The following ALDH1L1 variants were observed in gnomAD, a reference collection of about 807,000 sequenced individuals.
ALDH1L1 encodes the protein cytosolic 10-formyltetrahydrofolate dehydrogenase.
A neutral mutation model predicts 101.1 loss-of-function variants in ALDH1L1; 68 were observed. The observed-to-expected ratio is 0.67, with a 90% confidence interval of 0.55 to 0.82. The LOEUF (loss-of-function observed/expected upper bound fraction) is 0.82. ALDH1L1 is among the 40% of genes least tolerant of loss of function. ALDH1L1 has a pLI of 0.00. For synonymous variants in ALDH1L1, 486 were observed against 470.8 expected, an observed-to-expected ratio of 1.03 and a Z score of -0.42; for missense variants, 1,087 against 1,172.7, an observed-to-expected ratio of 0.93 and a Z score of 1.07.
chr3:126,196,887 G>C (rs903001529), intron 1 of ALDH1L1, among the ~76,000 whole-genome samples: 3 of 152,164 alleles, frequency 2.0e-5, no homozygotes, highest in African/African-American at 7.2e-5. Context: ...CTACAATACT[G>C]GGCAGTCTCC....
intron 13 of ALDH1L1, among the ~76,000 whole-genome samples, chr3:126,130,601 C>T (rs2080281196): frequency 1.3e-5 from 2 of 152,232 alleles, no homozygotes; most frequent in Admixed American, 1.3e-4. Context: ...CAGCTCTAAG[C>T]AGTTGAGCAC....
intron 2 of ALDH1L1, among the ~76,000 whole-genome samples, chr3:126,159,216 A>G (rs2080986724): frequency 6.6e-6 from 1 of 151,424 alleles, no homozygotes; most frequent in Admixed American, 6.6e-5. Flanking sequence ...ATATGCACAC[A>G]TGCGTGCACA....
At chr3:126,181,941 A>G (rs970895669), upstream of ALDH1L1, among the ~76,000 whole-genome samples, 1 of 152,062 alleles carries the variant, frequency 6.6e-6, no homozygotes, top group Non-Finnish European at 1.5e-5. Context: ...GCTGTCCCTC[A>G]TATCTGTGGA....
chr3:126,140,139 T>G (rs7639951), intron 9 of ALDH1L1, among the ~76,000 whole-genome samples: 34,109 of 151,974 alleles, frequency 0.22, 4,679 homozygotes, highest in African/African-American at 0.39. Flanking sequence ...CAGAGACAAA[T>G]AAATAATTTG....
chr3:126,131,489 A>G lies in ALDH1L1; in HGVS notation c.1518T>C (p.Ile506=), dbSNP rs778519678. The change falls in exon 13 of 23, where the codon ATT becomes ATC. Residue 506 remains isoleucine, a synonymous_variant. Coordinates refer to ENST00000393434, the MANE Select transcript of ALDH1L1 (RefSeq NM_012190.4). ...MEQHQEELAT[I]EALDAGAVYT... The stretch of plus-strand genomic sequence containing the variant: ...AGACGGCACCCGCATCCAGGGCCTC[A>G]ATGGTGGCCAGCTCCTCCTGGTGCT... 6.2e-6 allele frequency: 10 copies of G among 1,612,998 alleles called. No homozygotes were observed. The highest frequency in any genetic ancestry group is 4.0e-5 in the African/African-American group (3 of 74,922).
chr3:126,120,335 A>G (rs1037571473), intron 16 of ALDH1L1, among the ~76,000 whole-genome samples: 5 of 143,840 alleles, frequency 3.5e-5, no homozygotes, highest in Admixed American at 6.9e-5. Context: ...GCCATGGAAG[A>G]ACCTCAAATA....
chr3:126,160,848 C>T lies in ALDH1L1; in HGVS notation c.127+5G>A. On this transcript the variant is annotated splice_donor_5th_base_variant and intron_variant, in intron 2 of 22. Transcript: ENST00000393434. ...TCAGCTTCCCTGCTCCATTGGCTCA[C>T]TCACCCAGGGGGTCGGCCTTTCCAT... The T allele has an allele frequency of 6.2e-7, 1 of 1,613,464 alleles. No individual in the cohort carries two copies. Among genetic ancestry groups the T allele is most frequent in the Non-Finnish European group, 8.5e-7 (1 of 1,179,566 alleles).
chr3:126,181,912 C>T (rs2081478283), upstream of ALDH1L1, among the ~76,000 whole-genome samples: 1 of 152,198 alleles, frequency 6.6e-6, no homozygotes, highest in South Asian at 2.1e-4. Context: ...TCTTTAGGCT[C>T]CAGCCTGCAG....
In ALDH1L1 at chr3:126,155,483, G is replaced by C; in HGVS notation, c.549C>G (p.Ile183Met). The C allele has an allele frequency of 6.2e-7, 1 of 1,612,750 alleles. No homozygotes were observed. Among genetic ancestry groups the C allele is most frequent in the Non-Finnish European group, 8.5e-7 (1 of 1,179,534 alleles). The change falls in exon 5 of 23, where the codon ATC becomes ATG. Residue 183 changes from isoleucine to methionine, a missense_variant. By Grantham distance (10) the Ile-to-Met change is conservative. Transcript: ENST00000393434. ...IKGMVQAVRL[I>M]AEGKAPRLPQ... ...GGAGTCTGGGGGCTTTGCCCTCAGC[G>C]ATCAGCCTCACGGCCTGCACCTGGG...
At chr3:126,133,711 G>T (rs1440609085) in intron 12 of ALDH1L1, among the ~76,000 whole-genome samples, 1 of 152,198 alleles carries the variant, frequency 6.6e-6, no homozygotes, top group Non-Finnish European at 1.5e-5. Context: ...AGCAGTGCAG[G>T]AGAAGTGAAG....
chr3:126,118,016 G>A lies in ALDH1L1; in HGVS notation c.1971C>T (p.His657=). The A allele has an allele frequency of 6.2e-7, 1 of 1,613,746 alleles. No individual in the cohort carries two copies. The highest frequency in any genetic ancestry group is 1.3e-5 in the African/African-American group (1 of 75,064). The change falls in exon 17 of 23, where the codon CAC becomes CAT. Residue 657 remains histidine, a synonymous_variant. Coordinates refer to ENST00000393434, the MANE Select transcript of ALDH1L1 (RefSeq NM_012190.4). ...GFTGSTEVGK[H]IMKSCAISNV... is the part of the protein sequence containing the mutation. ...CCCCAGCCACGCACCTTTTCATGAT[G>A]TGCTTGCCCACCTCTGTGGAGCCTG...
At chr3:126,109,666 G>C (rs1172451886) in intron 20 of ALDH1L1, among the ~76,000 whole-genome samples, 2 of 152,146 alleles carry the variant, frequency 1.3e-5, no homozygotes, top group East Asian at 1.9e-4. Flanking sequence ...TGAAATCTAT[G>C]GGGGAGAGAC....
intron 9 of ALDH1L1, among the ~76,000 whole-genome samples, chr3:126,140,107 T>C (rs950980920): frequency 3.3e-5 from 5 of 152,240 alleles, no homozygotes; most frequent in Admixed American, 3.3e-4. Flanking sequence ...CCAAGGCACA[T>C]TACACCCAGC....
In ALDH1L1 at chr3:126,180,516, C is replaced by T. The variant is rs2108346626; in HGVS notation, c.-64G>A. 2.0e-6 allele frequency: 2 copies of T among 1,014,118 alleles called. No homozygotes were observed. Among genetic ancestry groups the T allele is most frequent in the Non-Finnish European group, 2.4e-6 (2 of 847,074 alleles). 62.8% of individuals were successfully genotyped at this position (1,014,118 alleles called of 1,614,324 possible). A position where few individuals can be genotyped will look rare whatever the true frequency, so the allele number is the denominator to read the frequency against. On this transcript the variant is annotated 5_prime_UTR_variant, in exon 1 of 23. Transcript: ENST00000393434. Reference sequence around the variant, plus strand: ...GTGCGGGCGTCCCGGGCAGGTTAGACTTCTGTGAGCCGCAGCCCCGAAACT... The same window carrying T: ...GTGCGGGCGTCCCGGGCAGGTTAGATTTCTGTGAGCCGCAGCCCCGAAACT...
In ALDH1L1 at chr3:126,108,744, C is replaced by A. The variant is rs550279469; in HGVS notation, c.2347+1200G>T. ...AAGCCTCCACTAAGCCGAGCAGCAG[C>A]AAATGCATGGAGCCCAAGAAAGCAG... On this transcript the variant is annotated intron_variant, in intron 20 of 22. Transcript: ENST00000393434. Among the ~76,000 whole-genome samples, 3 of 152,354 alleles carry A rather than the reference C, an allele frequency of 2.0e-5. No individual in the cohort carries two copies. The South Asian group carries it at 6.2e-4, about 32-fold the overall frequency.
At position 126,160,095 on chromosome 3, in the gene ALDH1L1, G is replaced by C. The variant is rs541825767; in HGVS notation, c.127+758C>G. On this transcript the variant is annotated intron_variant, in intron 2 of 22. Transcript: ENST00000393434. ...GTCTGCTGAGGTTCCCAGCTCAAAGGCAGTGACCCAGACCCATGATTCTCA... is the reference window on the plus strand; with the variant it reads ...GTCTGCTGAGGTTCCCAGCTCAAAGCCAGTGACCCAGACCCATGATTCTCA... 7.2e-4 allele frequency among the ~76,000 whole-genome samples: 109 copies of C among 152,238 alleles called. 1 individual carries two copies. The highest frequency in any genetic ancestry group is 2.4e-3 in the African/African-American group (100 of 41,536).
intron 9 of ALDH1L1, among the ~76,000 whole-genome samples, chr3:126,141,380 T>C (rs977311313): frequency 6.6e-6 from 1 of 152,082 alleles, no homozygotes; most frequent in Non-Finnish European, 1.5e-5. Context: ...TACAAAACAC[T>C]GCTCAAGAAG....
intron 7 of ALDH1L1, chr3:126,152,441 C>A (rs2080823426): frequency 6.6e-6 from 1 of 152,228 alleles, no homozygotes; most frequent in Admixed American, 6.5e-5. Flanking sequence ...CTGCATATAT[C>A]AATCTTGGAT....
At chr3:126,186,397 G>A (rs1004799594), upstream of ALDH1L1, among the ~76,000 whole-genome samples, 2 of 152,206 alleles carry the variant, frequency 1.3e-5, no homozygotes, top group African/African-American at 4.8e-5. Context: ...GCAGGCATGT[G>A]CAAGACAAGT....
Sources: allele counts gnomAD v4.1 joint callset (sites outside exome capture counted in the v4.1 genomes callset), GRCh38; gene constraint gnomAD v4.1.1; transcripts MANE v1.5; gene names NCBI Gene and HGNC (gene_info 2026-07-23, HGNC 2026-07-21).